The following RBFOX1 variants were observed in gnomAD, a reference collection of about 807,000 sequenced individuals.
The protein encoded by RBFOX1 is RNA binding protein fox-1 homolog 1.
A neutral mutation model predicts 57.7 loss-of-function variants in RBFOX1; 8 were observed. The observed-to-expected ratio is 0.14, with a 90% CI of 0.08 to 0.25. RBFOX1 has a LOEUF of 0.25. Ranked by LOEUF, RBFOX1 falls within the 10% of genes least tolerant of loss-of-function variation. The pLI, the probability that RBFOX1 is intolerant of heterozygous loss-of-function variation, is 1.00. For synonymous variants in RBFOX1, 326 were observed against 222.4 expected (o/e 1.47, Z -4.15); for missense variants, 611 against 548.5 (o/e 1.11, Z -1.14).
chr16:6,687,656 G>A (rs1373204006), intron 3 of RBFOX1, among the ~76,000 whole-genome samples: 1 of 152,158 alleles, frequency 6.6e-6, no homozygotes, highest in African/African-American at 2.4e-5. Context: ...GATTCAGGCT[G>A]CTCCTGTTTC....
intron 4 of RBFOX1, among the ~76,000 whole-genome samples, chr16:7,277,072 G>T (rs754332783): frequency 6.6e-6 from 1 of 152,124 alleles, no homozygotes; most frequent in Non-Finnish European, 1.5e-5. Context: ...AATAGCAAAC[G>T]TTGTATTTTG....
intron 4 of RBFOX1, among the ~76,000 whole-genome samples, chr16:7,197,262 G>C (rs989594294): frequency 9.9e-5 from 15 of 152,094 alleles, no homozygotes; most frequent in African/African-American, 3.4e-4. Flanking sequence ...GGAAAACTGT[G>C]GCTCTGAGCA....
rs2083886842 is a variant in RBFOX1, at chr16:7,710,752, A to G, written c.*7A>G. ...CCGTTTTGCTCCATACTAAATGACA[A>G]AACCATAAAAACCTTCCAATGTGGG... On this transcript the variant is annotated 3_prime_UTR_variant, in exon 16 of 16. Transcript: ENST00000550418. 1 of 1,553,672 alleles carries G rather than the reference A, an allele frequency of 6.4e-7. No individual in the cohort carries two copies. The highest frequency in any genetic ancestry group is 8.7e-7 in the Non-Finnish European group (1 of 1,152,676).
intron 2 of RBFOX1, among the ~76,000 whole-genome samples, chr16:6,353,845 G>A (rs114085617): frequency 1.7e-3 from 258 of 152,230 alleles, no homozygotes; most frequent in African/African-American, 6.0e-3. Flanking sequence ...CACGTTCCTG[G>A]GCTCTGGTGT....
chr16:7,097,732 T>C (rs2061946842), intron 4 of RBFOX1, among the ~76,000 whole-genome samples: 1 of 152,128 alleles, frequency 6.6e-6, no homozygotes, highest in African/African-American at 2.4e-5. Context: ...TCACAGATGC[T>C]GAGTCAGCAG....
chr16:7,320,742 G>C (rs1242850847), intron 4 of RBFOX1, among the ~76,000 whole-genome samples: 1 of 152,224 alleles, frequency 6.6e-6, no homozygotes, highest in African/African-American at 2.4e-5. Context: ...GAAACACCAT[G>C]AATAAAGCTC....
At chr16:6,012,247 A>G (rs933362660) in intron 4 of RBFOX1, among the ~76,000 whole-genome samples, 1 of 152,218 alleles carries the variant, frequency 6.6e-6, no homozygotes, top group African/African-American at 2.4e-5. Context: ...CAGTGTTGTT[A>G]TGAGGACTCA....
chr16:6,885,395 C>T (rs1041431270), intron 3 of RBFOX1, among the ~76,000 whole-genome samples: 1 of 152,166 alleles, frequency 6.6e-6, no homozygotes, highest in African/African-American at 2.4e-5. Flanking sequence ...TGAGTCAAAA[C>T]CAAGAATTTA....
chr16:5,529,302 A>C (rs1254675620), intron 2 of RBFOX1, among the ~76,000 whole-genome samples: 1 of 152,014 alleles, frequency 6.6e-6, no homozygotes, highest in Admixed American at 6.6e-5. Flanking sequence ...CTACCTTAGA[A>C]TGTGAGAAAA....
intron 1 of RBFOX1, among the ~76,000 whole-genome samples, chr16:5,437,081 C>G (rs2067940688): frequency 6.6e-6 from 1 of 152,092 alleles, no homozygotes; most frequent in Non-Finnish European, 1.5e-5. Flanking sequence ...GTAGACTGAA[C>G]TTTTGGCTAT....
At chr16:6,859,377 A>T (rs2058611759) in intron 3 of RBFOX1, among the ~76,000 whole-genome samples, 1 of 151,762 alleles carries the variant, frequency 6.6e-6, no homozygotes, top group Non-Finnish European at 1.5e-5. Context: ...CCTCAAACAG[A>T]TGACGCTTTT....
At chr16:6,544,186 C>T (rs571116851) in intron 2 of RBFOX1, among the ~76,000 whole-genome samples, 1 of 152,220 alleles carries the variant, frequency 6.6e-6, no homozygotes, top group Admixed American at 6.5e-5. Flanking sequence ...GGCAACAGGC[C>T]CTGTTGAACA....
intron 3 of RBFOX1, among the ~76,000 whole-genome samples, chr16:5,809,843 A>G (rs895257918): frequency 1.3e-5 from 2 of 152,298 alleles, no homozygotes; most frequent in Admixed American, 6.5e-5. Context: ...CCAAAGGACT[A>G]TAAATCACGC....
At chr16:7,293,483 A>C (rs1199262670) in intron 4 of RBFOX1, among the ~76,000 whole-genome samples, 2 of 152,196 alleles carry the variant, frequency 1.3e-5, no homozygotes, top group African/African-American at 4.8e-5. Flanking sequence ...ATGTCTGCTC[A>C]TACATGCATC....
chr16:5,654,929 C>G (rs896960111), intron 3 of RBFOX1, among the ~76,000 whole-genome samples: 3 of 152,106 alleles, frequency 2.0e-5, no homozygotes, highest in African/African-American at 4.8e-5. Flanking sequence ...TGTACCATTT[C>G]AGCATCCAGG....
intron 3 of RBFOX1, among the ~76,000 whole-genome samples, chr16:6,922,570 T>G (rs1348663436): frequency 1.3e-5 from 2 of 152,190 alleles, no homozygotes; most frequent in Non-Finnish European, 2.9e-5. Flanking sequence ...ACAGTTGGCT[T>G]TTTTCGTGTG....
At chr16:6,360,093 T>C (rs1014858692) in intron 2 of RBFOX1, among the ~76,000 whole-genome samples, 1 of 152,222 alleles carries the variant, frequency 6.6e-6, no homozygotes, top group Non-Finnish European at 1.5e-5. Flanking sequence ...ATTTCGTTCA[T>C]TTCCATGGCT....
intron 2 of RBFOX1, among the ~76,000 whole-genome samples, chr16:5,480,251 T>A (rs2151641458): frequency 6.6e-6 from 1 of 152,128 alleles, no homozygotes; most frequent in African/African-American, 2.4e-5. Context: ...TGACCAGGGG[T>A]CAAAGCCATT....
At chr16:7,565,999 A>T (rs1259263190) in intron 5 of RBFOX1, among the ~76,000 whole-genome samples, 1 of 152,166 alleles carries the variant, frequency 6.6e-6, no homozygotes, top group African/African-American at 2.4e-5. Context: ...TTCAGGAAAG[A>T]CTTGCCGAGC....
Sources: allele counts gnomAD v4.1 joint callset (sites outside exome capture counted in the v4.1 genomes callset), GRCh38; gene constraint gnomAD v4.1.1; transcripts MANE v1.5; gene names NCBI Gene and HGNC (gene_info 2026-07-23, HGNC 2026-07-21).